Variants in TMEM131 observed in about 807,000 individuals in gnomAD.
The protein encoded by TMEM131 is 2610524E03Rik.
In TMEM131, 66 loss-of-function variants were observed where a neutral mutation model predicts 211.6. The observed-to-expected ratio is 0.31, with a 90% CI of 0.26 to 0.38. TMEM131 has a LOEUF of 0.38. Among genes scored for constraint, TMEM131 ranks in the 10% least tolerant of loss-of-function variants. The pLI, the probability that TMEM131 is intolerant of heterozygous loss-of-function variation, is 1.00. For synonymous variants in TMEM131, 844 were observed against 841.3 expected, an observed-to-expected ratio of 1.00 and a Z score of -0.06; for missense variants, 2,036 against 2,299.3, an observed-to-expected ratio of 0.89 and a Z score of 2.34.
intron 7 of TMEM131, among the ~76,000 whole-genome samples, chr2:97,840,170 T>C (rs1184862832): frequency 1.3e-5 from 2 of 152,242 alleles, no homozygotes; most frequent in Non-Finnish European, 2.9e-5. Flanking sequence ...TGTGTAAATC[T>C]TGAATTAAAA....
intron 31 of TMEM131, among the ~76,000 whole-genome samples, chr2:97,781,378 C>T (rs1679996388): frequency 6.6e-6 from 1 of 152,216 alleles, no homozygotes; most frequent in South Asian, 2.1e-4. Context: ...CATCTCAATC[C>T]TTTATAAGTA....
Position 97,792,594 on chromosome 2 carries a change from C to T in TMEM131, c.3936G>A (p.Gln1312=). 1 of 1,612,926 alleles carries T rather than the reference C, an allele frequency of 6.2e-7. No homozygotes were observed. The highest frequency in any genetic ancestry group is 1.7e-5 in the Admixed American group (1 of 59,914). ...PQPPLPPPVP[Q]PQEPQPERLS... Reference sequence around the variant, plus strand: ...GCCTTTCAGGCTGCGGCTCCTGGGGCTGAGGCACTGGCGGTGGCAGAGGAG... The same window carrying T: ...GCCTTTCAGGCTGCGGCTCCTGGGGTTGAGGCACTGGCGGTGGCAGAGGAG... Residue 1312 remains glutamine, a synonymous_variant, in exon 31 of 41, where the codon CAG becomes CAA. Coordinates refer to ENST00000186436, the MANE Select transcript of TMEM131 (RefSeq NM_015348.2).
Position 97,805,618 on chromosome 2 carries a change from T to A in TMEM131, c.2141A>T (p.Asp714Val). 2 of 1,611,782 alleles carry A rather than the reference T, an allele frequency of 1.2e-6. No individual in the cohort carries two copies. The highest frequency in any genetic ancestry group is 1.7e-6 in the Non-Finnish European group (2 of 1,178,230). The change falls in exon 20 of 41, where the codon GAT (aspartate) becomes GTT (valine). Residue 714 changes from aspartate to valine, a missense_variant. Transcript: ENST00000186436. ...KIQQIRSLSE[D>V]VRFYYKRLRG... is the part of the protein sequence containing the mutation. ...TAATCGTTTATAGTAAAATCGCACA[T>A]CTTCTGACAAAGATCGTATTTGCTG...
rs190937667 is a variant in TMEM131, at chr2:97,914,601, T to A, written c.250-5903A>T. Among the ~76,000 whole-genome samples the A allele has an allele frequency of 2.8e-3, 429 of 152,350 alleles. 3 individuals are homozygous for A. In the Middle Eastern group the frequency reaches 0.031, roughly 11 times the overall value. ...ATTCATGACTAAAATTTTTTCATTT[T>A]AAAAAGGTCATATAAATGAAATCAT... On this transcript the variant is annotated intron_variant, in intron 2 of 40. Transcript: ENST00000186436.
chr2:97,872,102 CAAAA>C (rs1332258557), intron 4 of TMEM131, among the ~76,000 whole-genome samples: 1 of 151,878 alleles, frequency 6.6e-6, no homozygotes, highest in East Asian at 1.9e-4. Context: ...TAAATTTAAA[CAAAA>C]AGTCTGAAAA....
intron 22 of TMEM131, among the ~76,000 whole-genome samples, chr2:97,803,957 T>G (rs570209514): frequency 6.6e-6 from 1 of 152,254 alleles, no homozygotes; most frequent in Non-Finnish European, 1.5e-5. Flanking sequence ...AGGAAGTCTC[T>G]TTTGTATTCA....
intron 31 of TMEM131, among the ~76,000 whole-genome samples, chr2:97,789,237 C>T (rs1457048007): frequency 8.5e-5 from 13 of 152,368 alleles, no homozygotes; most frequent in African/African-American, 3.1e-4. Context: ...CCTTCCACTG[C>T]TTTCTGTTAT....
intron 6 of TMEM131, 37 bp from the exon 7 acceptor site, chr2:97,841,974 C>T: frequency 1.4e-6 from 2 of 1,460,612 alleles, no homozygotes; most frequent in Non-Finnish European, 1.8e-6. Flanking sequence ...ATTTTAGTTG[C>T]TTTTATAATT....
chr2:97,950,352 T>C (rs1448935834), intron 1 of TMEM131, among the ~76,000 whole-genome samples: 1 of 152,208 alleles, frequency 6.6e-6, no homozygotes, highest in African/African-American at 2.4e-5. Flanking sequence ...CTCTACTGAT[T>C]ATAAGCTATG....
At chr2:97,901,826 C>T (rs1378133893) in intron 3 of TMEM131, among the ~76,000 whole-genome samples, 1 of 152,098 alleles carries the variant, frequency 6.6e-6, no homozygotes, top group Non-Finnish European at 1.5e-5. Flanking sequence ...AGGTAGGCTA[C>T]TGGGCTCAAG....
chr2:97,925,549 T>C (rs190130674), intron 2 of TMEM131, among the ~76,000 whole-genome samples: 126 of 152,320 alleles, frequency 8.3e-4, no homozygotes, highest in Non-Finnish European at 1.2e-3. Context: ...TTTATATTCA[T>C]AACAAGTGCA....
intron 25 of TMEM131, among the ~76,000 whole-genome samples, chr2:97,798,805 C>T (rs1680890648): frequency 6.6e-6 from 1 of 152,240 alleles, no homozygotes; most frequent in Non-Finnish European, 1.5e-5. Context: ...TCAAAGTCCA[C>T]TAAGACAGAA....
At chr2:97,825,022 C>G (rs556880137) in intron 11 of TMEM131, among the ~76,000 whole-genome samples, 1 of 152,304 alleles carries the variant, frequency 6.6e-6, no homozygotes, top group African/African-American at 2.4e-5. Flanking sequence ...TTCTGGACCT[C>G]AAGAATGTCT....
At chr2:97,882,088 T>C (rs1454304261) in intron 4 of TMEM131, among the ~76,000 whole-genome samples, 1 of 152,224 alleles carries the variant, frequency 6.6e-6, no homozygotes. Flanking sequence ...GAACCTTACC[T>C]TAAAATTACT....
At chr2:97,813,852 A>T in intron 15 of TMEM131, 119 bp downstream of exon 15, 1 of 792,626 alleles carries the variant, frequency 1.3e-6, no homozygotes, top group Non-Finnish European at 1.9e-6. Context: ...TAGGAGAATT[A>T]GATCAATTTG....
chr2:97,844,237 A>T lies in TMEM131; in HGVS notation c.508T>A (p.Ser170Thr). The T allele has an allele frequency of 7.6e-7, 1 of 1,322,174 alleles. No individual in the cohort carries two copies. 81.9% of individuals were successfully genotyped at this position (1,322,174 alleles called of 1,614,324 possible). The change falls in exon 6 of 41, where the codon TCA becomes ACA. Residue 170 changes from serine (S) to threonine (T), a missense_variant. Transcript: ENST00000186436. Reference protein sequence around the residue: ...NRKILPGGNTSFDVVFLARVV... With the variant: ...NRKILPGGNTTFDVVFLARVV... ...CTTGCAAGAAAAACTACATCAAATGATGTATTTCCTCCTGGAAGAATTTTC... is the reference window on the plus strand; with the variant it reads ...CTTGCAAGAAAAACTACATCAAATGTTGTATTTCCTCCTGGAAGAATTTTC...
chr2:97,981,103 TAC>T (rs1389854307), intron 1 of TMEM131, among the ~76,000 whole-genome samples: 2 of 119,068 alleles, frequency 1.7e-5, no homozygotes, highest in Non-Finnish European at 3.3e-5. Context: ...TCCACACACA[TAC>T]ACTCTTTATA....
At position 97,793,447 on chromosome 2, in the gene TMEM131, C is replaced by T. The variant is rs1680597717; in HGVS notation, c.3493G>A (p.Val1165Met). The change falls in exon 30 of 41, where the codon GTG (valine) becomes ATG (methionine). Residue 1165 changes from valine (V) to methionine (M), a missense_variant. Transcript: ENST00000186436. ...SFEASNPPFD[V>M]GRPFDLRRIV... Reference sequence around the variant, plus strand: ...CTCCTGAGATCAAATGGCCTTCCCACATCGAAGGGCGGGTTCGAGGCCTCA... The same window carrying T: ...CTCCTGAGATCAAATGGCCTTCCCATATCGAAGGGCGGGTTCGAGGCCTCA... 3 of 1,613,980 alleles carry T rather than the reference C, an allele frequency of 1.9e-6. No homozygotes were observed. The highest frequency in any genetic ancestry group is 2.5e-6 in the Non-Finnish European group (3 of 1,179,882).
rs147030072 is a variant in TMEM131 at position 97,757,200 on chromosome 2, C to A, written c.5551G>T (p.Asp1851Tyr). The A allele has an allele frequency of 5.1e-5, 83 of 1,613,982 alleles. No homozygotes were observed. The East Asian group carries it at 1.8e-3, about 36-fold the overall frequency. ...HAPSTSSPAD[D>Y]LGQTYNPWRI... ...CACGGGTTGTAGGTCTGTCCCAAGT[C>A]GTCAGCTGGACTGGAGGTGGAGGGA... The change falls in exon 41 of 41, where the codon GAC (aspartate) becomes TAC (tyrosine). Residue 1851 changes from aspartate (D) to tyrosine (Y), a missense_variant. Physicochemically the swap from Asp to Tyr is radical, Grantham distance 160. Transcript: ENST00000186436.
Sources: allele counts gnomAD v4.1 joint callset (sites outside exome capture counted in the v4.1 genomes callset), GRCh38; gene constraint gnomAD v4.1.1; transcripts MANE v1.5; gene names NCBI Gene and HGNC (gene_info 2026-07-23, HGNC 2026-07-21).